Variants in MYBBP1A observed in about 807,000 individuals in gnomAD.
The protein encoded by MYBBP1A is MYB binding protein 1a, also known as myb-binding protein 1A.
MYBBP1A carries 147 observed loss-of-function variants against 136.3 expected under a neutral mutation model. The ratio of observed to expected loss-of-function variants is 1.08; its 90% CI spans 0.94 to 1.24. The LOEUF (loss-of-function observed/expected upper bound fraction) is 1.24. MYBBP1A is among the 50% of genes most tolerant of loss of function. The pLI, the probability that MYBBP1A is intolerant of heterozygous loss-of-function variation, is 0.00. For missense variants in MYBBP1A, 2,060 were observed against 1,727.4 expected (o/e 1.19, Z -3.41); for synonymous variants, 947 against 735.8 (o/e 1.29, Z -4.65).
Position 4,539,462 on chromosome 17 carries a change from T to C in MYBBP1A, c.3940A>G (p.Ser1314Gly), listed in dbSNP as rs762354892. The C allele has an allele frequency of 6.2e-7, 1 of 1,613,972 alleles. No homozygotes were observed. The highest frequency in any genetic ancestry group is 2.2e-5 in the East Asian group (1 of 44,868). ...LVIRSPSLLQ[S>G]GAKKKAQVRK... ...ACCTGTGCTTTCTTCTTGGCCCCACTCTGAAGCAGGCTGGGACTCCTGATG... is the reference window on the plus strand; with the variant it reads ...ACCTGTGCTTTCTTCTTGGCCCCACCCTGAAGCAGGCTGGGACTCCTGATG... The change falls in exon 26 of 26, where the codon AGT (serine) becomes GGT (glycine). Residue 1314 changes from serine to glycine, a missense_variant. Physicochemically the swap from Ser to Gly is moderately conservative, Grantham distance 56 (BLOSUM62 0). Transcript: ENST00000254718.
At chr17:4,541,098 A>C (rs1906376551) in intron 24 of MYBBP1A, among the ~76,000 whole-genome samples, 2 of 152,070 alleles carry the variant, frequency 1.3e-5, no homozygotes, top group Non-Finnish European at 1.5e-5. Flanking sequence ...ATGGCTGCCC[A>C]CACTCCTGTA....
Position 4,549,455 on chromosome 17 carries a change from G to C in MYBBP1A, c.1320-13C>G, listed in dbSNP as rs1907309831. 6.2e-6 allele frequency: 10 copies of C among 1,609,778 alleles called. No homozygotes were observed. Among genetic ancestry groups the C allele is most frequent in the Non-Finnish European group, 8.5e-6 (10 of 1,178,856 alleles). ...AGCTCGCTCAGGCCTAGCGGGGCAG[G>C]AGGCGAGGTCATGTGAGCCACTTAT... On this transcript the variant is annotated splice_polypyrimidine_tract_variant and intron_variant, in intron 9 of 25. Transcript: ENST00000254718.
In MYBBP1A at chr17:4,552,698, C is replaced by T; in HGVS notation, c.562-72G>A. 3 of 1,444,498 alleles carry T rather than the reference C, an allele frequency of 2.1e-6. No homozygotes were observed. The highest frequency in any genetic ancestry group is 1.9e-5 in the Admixed American group (1 of 52,792). The allele number at this position is 1,444,498 out of a possible 1,614,324, so 89.5% of individuals were successfully genotyped here. ...CCTGGTGGATCCTGTTCTACCTGCT[C>T]CTGACACGGGGCCACCTGGTGAGGT... On this transcript the variant is annotated intron_variant, in intron 5 of 25. Transcript: ENST00000254718. This position sits in a 1 kb window ranked among gnomAD's most constrained non-coding sequence, Gnocchi z 4.7.
chr17:4,540,332 C>A lies in MYBBP1A; in HGVS notation c.3434+16G>T, dbSNP rs1597376212. The A allele has an allele frequency of 3.1e-6, 5 of 1,590,770 alleles. No homozygotes were observed. The East Asian group carries it at 1.1e-4, about 36-fold the overall frequency. ...CAGCCCCTACCCAAGGTGTGTGTCCCCCTCCCAGAACCTACTGGACTCCCA... is the reference window on the plus strand; with the variant it reads ...CAGCCCCTACCCAAGGTGTGTGTCCACCTCCCAGAACCTACTGGACTCCCA... On this transcript the variant is annotated intron_variant, in intron 25 of 25. Transcript: ENST00000254718.
chr17:4,546,149 C>T (rs1047166358), intron 13 of MYBBP1A, among the ~76,000 whole-genome samples: 8 of 152,222 alleles, frequency 5.3e-5, no homozygotes, highest in African/African-American at 9.6e-5. Flanking sequence ...GATGGAGTCT[C>T]GCTCTATTGC....
At position 4,543,263 on chromosome 17, in the gene MYBBP1A, C is replaced by A. The variant is rs1275886828; in HGVS notation, c.2640-98G>T. ...AAGTCCCACTTTATAAGTGGGGAAA[C>A]AGACCTAGAAGACGACAGAGGCGAC... On this transcript the variant is annotated intron_variant, in intron 19 of 25. Transcript: ENST00000254718. The A allele has an allele frequency of 1.8e-5, 26 of 1,446,788 alleles. No homozygotes were observed. In the South Asian group the frequency reaches 3.6e-4, roughly 20 times the overall value. The allele number at this position is 1,446,788 out of a possible 1,614,324, so 89.6% of individuals were successfully genotyped here.
At chr17:4,543,835 C>T (rs1264463378) in intron 19 of MYBBP1A, among the ~76,000 whole-genome samples, 1 of 152,054 alleles carries the variant, frequency 6.6e-6, no homozygotes. Flanking sequence ...CCCTCCCAAA[C>T]CCTTCTCCAC....
Position 4,542,513 on chromosome 17 carries a change from A to G in MYBBP1A, c.3038T>C (p.Leu1013Pro). ...CGTGATATGCTGGACCAGGATGGGG[A>G]GCAGGCTCTGACAGAGCACCTGGTG... ...SRHPVLCQSL[L>P]PILVQHITGP... Residue 1013 changes from leucine (L) to proline (P), a missense_variant, in exon 22 of 26, where the codon CTC becomes CCC. By Grantham distance (98) the Leu-to-Pro change is moderately conservative. Transcript: ENST00000254718. The G allele has an allele frequency of 6.2e-7, 1 of 1,611,972 alleles. No homozygotes were observed. Among genetic ancestry groups the G allele is most frequent in the Non-Finnish European group, 8.5e-7 (1 of 1,178,702 alleles).
intron 24 of MYBBP1A, 30 bp downstream of exon 24, chr17:4,541,433 A>G: frequency 6.3e-7 from 1 of 1,599,482 alleles, no homozygotes; most frequent in South Asian, 1.1e-5. Flanking sequence ...AGGAACCCGA[A>G]CACGACCGCG....
At chr17:4,547,807 C>T in intron 13 of MYBBP1A, 151 bp downstream of exon 13, 1 of 601,358 alleles carries the variant, frequency 1.7e-6, no homozygotes, top group African/African-American at 1.9e-5. Flanking sequence ...GATGTTTCCA[C>T]CTGTGACAAA....
Position 4,545,775 on chromosome 17 carries a change from G to A in MYBBP1A, c.1922-14C>T, listed in dbSNP as rs780167883. 10 of 1,606,422 alleles carry A rather than the reference G, an allele frequency of 6.2e-6. No individual in the cohort carries two copies. The highest frequency in any genetic ancestry group is 8.5e-6 in the Non-Finnish European group (10 of 1,175,624). On this transcript the variant is annotated splice_polypyrimidine_tract_variant and intron_variant, in intron 14 of 25. Transcript: ENST00000254718. ...GTTCCTGGGGGTCTGCAAGAGGGAG[G>A]GGTTGAGCCCGGATAGGGGACCGCT...
chr17:4,543,345 C>T, intron 19 of MYBBP1A, 180 bp from the exon 20 acceptor site: 1 of 815,632 alleles, frequency 1.2e-6, no homozygotes, highest in Admixed American at 2.9e-5. Flanking sequence ...GCTGTGTGGG[C>T]TCAGAGTGCT....
chr17:4,549,993 G>A (rs994353577), intron 9 of MYBBP1A, 65 bp downstream of exon 9: 51 of 1,526,468 alleles, frequency 3.3e-5, no homozygotes, highest in African/African-American at 3.3e-4. Context: ...GGCTTGGGTC[G>A]CGGGGCTCTG....
chr17:4,549,084 G>A (rs1021155515), intron 10 of MYBBP1A, among the ~76,000 whole-genome samples: 4 of 152,208 alleles, frequency 2.6e-5, no homozygotes, highest in African/African-American at 7.2e-5. Context: ...CACCTCCCAC[G>A]TGCAAAAGCT....
Position 4,548,558 on chromosome 17 carries a change from G to C in MYBBP1A, c.1522C>G (p.Gln508Glu). 1 of 1,614,232 alleles carries C rather than the reference G, an allele frequency of 6.2e-7. No homozygotes were observed. The highest frequency in any genetic ancestry group is 2.2e-5 in the East Asian group (1 of 44,884). Residue 508 changes from glutamine to glutamate, a missense_variant, in exon 11 of 26, where the codon CAG (glutamine) becomes GAG (glutamate). Physicochemically the swap from Gln to Glu is conservative, Grantham distance 29. Coordinates refer to ENST00000254718, the MANE Select transcript of MYBBP1A (RefSeq NM_014520.4). This position sits in a 1 kb window ranked among gnomAD's most constrained non-coding sequence, Gnocchi z 4.2. ...GCACTGCTGACAGCCTCTCGGGCCTGGTTTTCCAAAGGGAAGGAGAACGGG... is the reference window on the plus strand; with the variant it reads ...GCACTGCTGACAGCCTCTCGGGCCTCGTTTTCCAAAGGGAAGGAGAACGGG... ...KHPFSFPLEN[Q>E]AREAVSSAFF...
Position 4,545,115 on chromosome 17 carries a change from C to T in MYBBP1A, c.2221G>A (p.Glu741Lys). 6.2e-7 allele frequency: 1 copy of T among 1,609,288 alleles called. No homozygotes were observed. Among genetic ancestry groups the T allele is most frequent in the Non-Finnish European group, 8.5e-7 (1 of 1,178,032 alleles). Residue 741 changes from glutamate to lysine, a missense_variant, in exon 17 of 26, where the codon GAG becomes AAG. Glu to Lys is a moderately conservative substitution (Grantham distance 56, BLOSUM62 1). Transcript: ENST00000254718. ...SSESEEESEG[E>K]ESEEEERDGD... ...TCGCGCTCCTCCTCCTCGCTCTCCT[C>T]CCCCTCGCTCTCCTCTTCACTCTCT...
At position 4,544,592 on chromosome 17, in the gene MYBBP1A, G is replaced by A; in HGVS notation, c.2536C>T (p.Leu846=). 1 of 1,581,822 alleles carries A rather than the reference G, an allele frequency of 6.3e-7. No homozygotes were observed. The highest frequency in any genetic ancestry group is 1.2e-5 in the South Asian group (1 of 86,634). The change falls in exon 19 of 26, where the codon CTG becomes TTG. Residue 846 remains leucine (L), a synonymous_variant. Transcript: ENST00000254718. ...CTCAGCAGCGGCTCCAGCAGCTCCAGGACCAGGGCATTCTCGGGCTGCTTG... is the reference window on the plus strand; with the variant it reads ...CTCAGCAGCGGCTCCAGCAGCTCCAAGACCAGGGCATTCTCGGGCTGCTTG... ...VTKQPENALV[L]ELLEPLLSII...
intron 23 of MYBBP1A, 102 bp from the exon 24 acceptor site, chr17:4,541,666 A>T (rs892434694): frequency 3.5e-6 from 5 of 1,448,914 alleles, no homozygotes; most frequent in Middle Eastern, 1.7e-4. Context: ...GTCTCCTGGG[A>T]CAACCCCAGT....
At position 4,552,264 on chromosome 17, in the gene MYBBP1A, A is replaced by G. The variant is rs748328421; in HGVS notation, c.766T>C (p.Ser256Pro). The G allele has an allele frequency of 6.2e-7, 1 of 1,614,140 alleles. No homozygotes were observed. Among genetic ancestry groups the G allele is most frequent in the Non-Finnish European group, 8.5e-7 (1 of 1,180,040 alleles). The change falls in exon 7 of 26, where the codon TCC becomes CCC. Residue 256 changes from serine to proline, a missense_variant. Physicochemically the swap from Ser to Pro is moderately conservative, Grantham distance 74. Coordinates refer to ENST00000254718, the MANE Select transcript of MYBBP1A (RefSeq NM_014520.4). This position sits in a 1 kb window ranked among gnomAD's most constrained non-coding sequence, Gnocchi z 4.7. ...AGCTTGCGGTCCTTCTTCACAGAGG[A>G]GGCGGCCATCTTCAGCACATTCACC... ...RLVNVLKMAA[S>P]SVKKDRKLPA...
Sources: gnomAD v4.1 joint callset for allele counts (sites outside exome capture counted in the v4.1 genomes callset) on GRCh38, gnomAD v4.1.1 for gene constraint, Gnocchi (gnomAD v3.1) non-coding constraint, MANE v1.5 for transcripts, NCBI Gene and HGNC (gene_info 2026-07-23, HGNC 2026-07-21) for gene names.